TBXAS1: variants seen among roughly 807,000 people sequenced by gnomAD.
TBXAS1 encodes thromboxane A synthase 1, also known as thromboxane-A synthase.
A neutral mutation model predicts 60.7 loss-of-function variants in TBXAS1; 48 were observed. That is an observed-to-expected ratio of 0.79 (90% CI 0.63 to 1.01). TBXAS1 has a LOEUF of 1.01. Ranked by LOEUF, TBXAS1 falls within the 50% of genes least tolerant of loss-of-function variation. The pLI is 0.00. For missense variants in TBXAS1, 685 were observed against 686.3 expected, an observed-to-expected ratio of 1.00 and a Z score of 0.02; for synonymous variants, 287 against 269.7, an observed-to-expected ratio of 1.06 and a Z score of -0.63.
At chr7:139,829,150 A>G (rs1326310954), upstream of TBXAS1, 1 of 645,860 alleles carries the variant, frequency 1.5e-6, no homozygotes, top group South Asian at 1.5e-5. Flanking sequence ...CAGTGCAGTC[A>G]TCAAGGAATA....
At position 140,017,655 on chromosome 7, in the gene TBXAS1, C is replaced by T; in HGVS notation, c.1365-16C>T. 6.2e-7 allele frequency: 1 copy of T among 1,612,164 alleles called. No homozygotes were observed. Among genetic ancestry groups the T allele is most frequent in the Non-Finnish European group, 8.5e-7 (1 of 1,179,552 alleles). On this transcript the variant is annotated splice_polypyrimidine_tract_variant and intron_variant, in intron 11 of 12. Coordinates refer to ENST00000448866, the MANE Select transcript of TBXAS1 (RefSeq NM_001061.7). ...AGCGGGTGTTCTGGGCCAGCCCTGA[C>T]CACACGGACCTGCAGGTTCACGGCT...
intron 4 of TBXAS1, chr7:139,797,500 A>T (rs1162830499): frequency 1.3e-5 from 2 of 152,228 alleles, no homozygotes; most frequent in African/African-American, 4.8e-5. Flanking sequence ...AGCATTGCAA[A>T]GTCTTGTTAT....
intron 10 of TBXAS1, among the ~76,000 whole-genome samples, chr7:140,012,389 G>A (rs1814684919): frequency 6.6e-6 from 1 of 152,104 alleles, no homozygotes; most frequent in Non-Finnish European, 1.5e-5. Context: ...AGAGAAGCTG[G>A]GGCTGTAATT....
chr7:139,930,688 A>C (rs1807249502), intron 4 of TBXAS1, among the ~76,000 whole-genome samples: 1 of 151,886 alleles, frequency 6.6e-6, no homozygotes, highest in African/African-American at 2.4e-5. Flanking sequence ...AGGGGTGGGG[A>C]ACTGGCCAGC....
At chr7:139,920,430 G>T (rs1003700731) in intron 4 of TBXAS1, among the ~76,000 whole-genome samples, 3 of 152,074 alleles carry the variant, frequency 2.0e-5, no homozygotes, top group Admixed American at 2.0e-4. Context: ...GCCCTAAAAG[G>T]GGCCACCCTT....
intron 4 of TBXAS1, among the ~76,000 whole-genome samples, chr7:139,815,358 T>C (rs1238546799): frequency 1.3e-5 from 2 of 152,210 alleles, no homozygotes; most frequent in African/African-American, 4.8e-5. Flanking sequence ...CTAGGCAGCC[T>C]GACCAAGTAG....
chr7:139,907,331 T>C (rs1805184336), intron 3 of TBXAS1, among the ~76,000 whole-genome samples: 1 of 152,204 alleles, frequency 6.6e-6, no homozygotes, highest in Non-Finnish European at 1.5e-5. Flanking sequence ...ATTATATTGA[T>C]TGTTTTGAAA....
At chr7:139,955,391 T>C (rs1035224737) in intron 6 of TBXAS1, 68 bp from the exon 7 acceptor site, 5 of 1,597,318 alleles carry the variant, frequency 3.1e-6, no homozygotes, top group African/African-American at 2.7e-5. Context: ...CCTCCTCCTC[T>C]GGAGGGGGCC....
chr7:139,985,512 CT>C (rs148465587), intron 9 of TBXAS1, among the ~76,000 whole-genome samples: 3,418 of 152,278 alleles, frequency 0.022, 142 homozygotes, highest in African/African-American at 0.077. Flanking sequence ...CTAAATTTAT[CT>C]CAATTATTGT....
chr7:139,892,456 G>A (rs1233855902), intron 3 of TBXAS1, among the ~76,000 whole-genome samples: 1 of 152,094 alleles, frequency 6.6e-6, no homozygotes, highest in African/African-American at 2.4e-5. Context: ...AGCCTAGTAT[G>A]GTGCCGCGCA....
intron 1 of TBXAS1, among the ~76,000 whole-genome samples, chr7:139,858,046 T>C (rs1469836792): frequency 6.6e-6 from 1 of 152,150 alleles, no homozygotes; most frequent in Non-Finnish European, 1.5e-5. Context: ...GGGCTGAATT[T>C]TCTTGGGGGT....
At chr7:139,952,643 G>C in intron 5 of TBXAS1, 6 of 1,537,192 alleles carry the variant, frequency 3.9e-6, no homozygotes, top group Non-Finnish European at 4.4e-6. Context: ...TGTCGAAGCC[G>C]AGTGGTATCT....
Position 139,947,809 on chromosome 7 carries a change from C to T in TBXAS1, c.451-5559C>T, listed in dbSNP as rs963387784. Reference sequence around the variant, plus strand: ...TAGCTTGGCTACTGCACTGCAACCCCGGTCTTAGCTTGGGCTGTCATAACC... The same window carrying T: ...TAGCTTGGCTACTGCACTGCAACCCTGGTCTTAGCTTGGGCTGTCATAACC... On this transcript the variant is annotated intron_variant, in intron 5 of 12. Transcript: ENST00000448866. 6.6e-5 allele frequency among the ~76,000 whole-genome samples: 10 copies of T among 152,196 alleles called. No individual in the cohort carries two copies. The East Asian group carries it at 1.4e-3, about 21-fold the overall frequency.
intron 1 of TBXAS1, among the ~76,000 whole-genome samples, chr7:139,857,312 T>C (rs1213460015): frequency 1.3e-5 from 2 of 152,194 alleles, no homozygotes; most frequent in African/African-American, 4.8e-5. Context: ...TCTGTTTAAA[T>C]AGATTTATCT....
intron 5 of TBXAS1, chr7:139,952,731 A>G: frequency 1.4e-6 from 2 of 1,481,122 alleles, no homozygotes; most frequent in South Asian, 2.7e-5. Context: ...TTCCTATTAA[A>G]AAAAAGAAAC....
chr7:139,821,216 T>C (rs1245748887), intron 4 of TBXAS1, among the ~76,000 whole-genome samples: 1 of 151,754 alleles, frequency 6.6e-6, no homozygotes, highest in Non-Finnish European at 1.5e-5. Flanking sequence ...ACGGGGGAGA[T>C]GGGATGAGGT....
At chr7:139,969,581 T>C (rs1264686057) in intron 9 of TBXAS1, among the ~76,000 whole-genome samples, 1 of 151,094 alleles carries the variant, frequency 6.6e-6, no homozygotes, top group Non-Finnish European at 1.5e-5. Flanking sequence ...CACAAATCTA[T>C]CCTCACTATG....
At chr7:139,890,952 C>T (rs1803557709) in intron 3 of TBXAS1, among the ~76,000 whole-genome samples, 1 of 151,816 alleles carries the variant, frequency 6.6e-6, no homozygotes, top group Admixed American at 6.6e-5. Flanking sequence ...TGGATATTAT[C>T]CTTAGTTTAT....
intron 4 of TBXAS1, chr7:139,913,482 A>G (rs1448233393): frequency 1.3e-5 from 4 of 296,788 alleles, no homozygotes; most frequent in East Asian, 5.9e-5. Context: ...GCACTTGCCA[A>G]CTGGTGTCTC....
Sources: allele counts gnomAD v4.1 joint callset (sites outside exome capture counted in the v4.1 genomes callset), GRCh38; gene constraint gnomAD v4.1.1; transcripts MANE v1.5; gene names NCBI Gene and HGNC (gene_info 2026-07-23, HGNC 2026-07-21).